Variants in BTBD1 observed in about 807,000 individuals in gnomAD.
The protein encoded by BTBD1 is BTB/POZ domain-containing protein 1.
In BTBD1, 34 loss-of-function variants were observed where a neutral mutation model predicts 48.0. That is an observed-to-expected ratio of 0.71 (90% CI 0.54 to 0.94). BTBD1 has a LOEUF of 0.94. BTBD1 is among the 40% of genes least tolerant of loss of function. The probability of loss-of-function intolerance (pLI) is 0.00; values close to 1 mark genes in which losing one functional copy is unlikely to be tolerated. For synonymous variants in BTBD1, 261 were observed against 242.1 expected (o/e 1.08, Z -0.72); for missense variants, 543 against 625.6 (o/e 0.87, Z 1.41).
intron 4 of BTBD1, among the ~76,000 whole-genome samples, chr15:83,040,261 A>G (rs2032724767): frequency 6.6e-6 from 1 of 152,196 alleles, no homozygotes; most frequent in South Asian, 2.1e-4. Flanking sequence ...AAGGGGGAAA[A>G]GAGTTAAAAA....
In BTBD1 at chr15:83,025,357, C is replaced by CAAAAAAAA. The variant is rs767479917; in HGVS notation, c.1056-4603_1056-4596dup. On this transcript the variant is annotated intron_variant, in intron 5 of 7. Coordinates refer to ENST00000261721, the MANE Select transcript of BTBD1 (RefSeq NM_025238.4). ...TGGGCAACAAAACAAGACTCCATCACAAAAAAAAAAAAAAAAAAAAAAAGA... is the reference window on the plus strand; with the variant it reads ...TGGGCAACAAAACAAGACTCCATCACAAAAAAAAAAAAAAAAAAAAAAAAAAAAAAAGA... 3.0e-3 allele frequency among the ~76,000 whole-genome samples: 194 copies of CAAAAAAAA among 64,138 alleles called. 2 individuals are homozygous for CAAAAAAAA. The highest frequency in any genetic ancestry group is 3.8e-3 in the Non-Finnish European group (131 of 34,210). The allele number at this position is 64,138 out of a possible 152,430, so 42.1% of individuals were successfully genotyped here. A position where few individuals can be genotyped will look rare whatever the true frequency, so the allele number is the denominator to read the frequency against.
At chr15:83,040,716 A>C (rs1306959346) in intron 4 of BTBD1, among the ~76,000 whole-genome samples, 2 of 151,604 alleles carry the variant, frequency 1.3e-5, no homozygotes, top group Non-Finnish European at 2.9e-5. Flanking sequence ...AAAAAAAAAA[A>C]AAAAACCATG....
intron 4 of BTBD1, 24 bp from the exon 5 acceptor site, chr15:83,030,352 T>TA (rs773905310): frequency 1.3e-6 from 2 of 1,569,604 alleles, no homozygotes; most frequent in Non-Finnish European, 1.7e-6. Context: ...AACATAAGCC[T>TA]AAAAAAAGGA....
At chr15:83,055,199 T>C (rs567274630) in intron 2 of BTBD1, among the ~76,000 whole-genome samples, 3 of 152,314 alleles carry the variant, frequency 2.0e-5, no homozygotes, top group African/African-American at 7.2e-5. Flanking sequence ...AAGGACTGGT[T>C]AAAGGTTCCA....
At chr15:83,031,572 G>C (rs990204339) in intron 4 of BTBD1, among the ~76,000 whole-genome samples, 1 of 152,146 alleles carries the variant, frequency 6.6e-6, no homozygotes, top group East Asian at 1.9e-4. Flanking sequence ...GGTGCGAACT[G>C]AACAGTGAGA....
chr15:83,043,248 T>C (rs1187185321), intron 3 of BTBD1, among the ~76,000 whole-genome samples: 1 of 152,156 alleles, frequency 6.6e-6, no homozygotes, highest in Non-Finnish European at 1.5e-5. Context: ...AGAGGAATAG[T>C]ATTCCAGGAC....
intron 6 of BTBD1, among the ~76,000 whole-genome samples, chr15:83,019,440 A>G (rs1331431511): frequency 6.6e-6 from 1 of 151,042 alleles, no homozygotes; most frequent in African/African-American, 2.4e-5. Context: ...ATCCTTCCAC[A>G]TCGGCCTCCC....
Position 83,067,080 on chromosome 15 carries a change from C to T in BTBD1, c.72G>A (p.Gly24=), listed in dbSNP as rs780017667. Residue 24 remains glycine, a synonymous_variant, in exon 1 of 8, where the codon GGG becomes GGA. Coordinates refer to ENST00000261721, the MANE Select transcript of BTBD1 (RefSeq NM_025238.4). ...SGAEAEPGPA[G]PPPPPSPSSL... is the part of the protein sequence containing the mutation. Reference sequence around the variant, plus strand: ...AGGACGGTGAGGGCGGCGGCGGCGGCCCCGCGGGGCCCGGCTCCGCCTCAG... The same window carrying T: ...AGGACGGTGAGGGCGGCGGCGGCGGTCCCGCGGGGCCCGGCTCCGCCTCAG... 11 of 1,535,636 alleles carry T rather than the reference C, an allele frequency of 7.2e-6. No homozygotes were observed. The highest frequency in any genetic ancestry group is 1.9e-4 in the Middle Eastern group (1 of 5,252).
At chr15:83,063,657 T>A (rs572441304) in intron 1 of BTBD1, among the ~76,000 whole-genome samples, 1 of 152,268 alleles carries the variant, frequency 6.6e-6, no homozygotes, top group South Asian at 2.1e-4. Flanking sequence ...CTCCAAAGGC[T>A]TTCCATCAAA....
Position 83,050,141 on chromosome 15 carries a change from C to G in BTBD1, c.596G>C (p.Cys199Ser). The change falls in exon 3 of 8, where the codon TGT becomes TCT. Residue 199 changes from cysteine (C) to serine (S), a missense_variant. By Grantham distance (112) the Cys-to-Ser change is moderately radical (BLOSUM62 -1). Coordinates refer to ENST00000261721, the MANE Select transcript of BTBD1 (RefSeq NM_025238.4). ...TGTGCTTTTGTCTATTGTATCTAGA[C>G]AAAGACTAGCAAGCTGAGGTTCATC... ...LFDEPQLASLCLDTIDKSTMD... is the reference protein window; with the variant it reads ...LFDEPQLASLSLDTIDKSTMD... 1 of 1,612,942 alleles carries G rather than the reference C, an allele frequency of 6.2e-7. No individual in the cohort carries two copies. The highest frequency in any genetic ancestry group is 1.3e-5 in the African/African-American group (1 of 74,990).
intron 4 of BTBD1, among the ~76,000 whole-genome samples, chr15:83,031,720 A>G (rs1314192949): frequency 1.3e-5 from 2 of 152,274 alleles, no homozygotes; most frequent in Middle Eastern, 3.4e-3. Flanking sequence ...TGGCACACGT[A>G]TACGTATGTA....
intron 3 of BTBD1, chr15:83,044,631 G>A (rs1334286010): frequency 3.9e-6 from 6 of 1,556,880 alleles, no homozygotes; most frequent in Non-Finnish European, 5.3e-6. Context: ...GTGCAGCTTT[G>A]CAGATGGTGC....
Position 83,016,539 on chromosome 15 carries a change from A to G in BTBD1, c.*1528T>C, listed in dbSNP as rs2032168517. ...TGGCTGCATGCAGTTTCAATTGTTCAGTACAACAGATGAGGCATTTAAAAG... is the reference window on the plus strand; with the variant it reads ...TGGCTGCATGCAGTTTCAATTGTTCGGTACAACAGATGAGGCATTTAAAAG... On this transcript the variant is annotated 3_prime_UTR_variant, in exon 8 of 8. Coordinates refer to ENST00000261721, the MANE Select transcript of BTBD1 (RefSeq NM_025238.4). 1 of 149,546 alleles carries G rather than the reference A, an allele frequency of 6.7e-6. No individual in the cohort carries two copies. Among genetic ancestry groups the G allele is most frequent in the Non-Finnish European group, 1.5e-5 (1 of 66,994 alleles). 9.3% of individuals were successfully genotyped at this position (149,546 alleles called of 1,614,324 possible). A position where few individuals can be genotyped will look rare whatever the true frequency, so the allele number is the denominator to read the frequency against.
At chr15:83,036,086 GA>G (rs2032621216) in intron 4 of BTBD1, among the ~76,000 whole-genome samples, 1 of 94,878 alleles carries the variant, frequency 1.1e-5, no homozygotes, top group African/African-American at 4.3e-5. Context: ...GAATAAGGGG[GA>G]AAACTGTATC....
chr15:83,066,681 G>A lies in BTBD1; in HGVS notation c.401+70C>T, dbSNP rs1473293174. 2.4e-6 allele frequency: 3 copies of A among 1,269,284 alleles called. No individual in the cohort carries two copies. In the African/African-American group the frequency reaches 4.8e-5, roughly 20 times the overall value. 78.6% of individuals were successfully genotyped at this position (1,269,284 alleles called of 1,614,324 possible). On this transcript the variant is annotated intron_variant, in intron 1 of 7. Transcript: ENST00000261721. The stretch of plus-strand genomic sequence containing the variant: ...TCATCCGGGAGTCCGGGTAGGCCGG[G>A]CCCCGGGGATCTCCCAGCCCGGCCC...
chr15:83,028,138 TAATC>T (rs773760031), intron 5 of BTBD1, among the ~76,000 whole-genome samples: 33 of 152,296 alleles, frequency 2.2e-4, no homozygotes, highest in Non-Finnish European at 2.8e-4. Context: ...CATTAGCAAA[TAATC>T]AATCAGAATT....
At chr15:83,029,933 TAAGAAG>T in intron 5 of BTBD1, 197 bp downstream of exon 5, 1 of 608,760 alleles carries the variant, frequency 1.6e-6, no homozygotes, top group Non-Finnish European at 2.9e-6. Flanking sequence ...ATTTTTTTCT[TAAGAAG>T]TCACCCTCAC....
At chr15:83,021,887 T>G (rs898399259) in intron 5 of BTBD1, among the ~76,000 whole-genome samples, 2 of 152,094 alleles carry the variant, frequency 1.3e-5, no homozygotes, top group African/African-American at 4.8e-5. Flanking sequence ...TAATACTAAC[T>G]CATCAATACC....
At chr15:83,057,296 G>T (rs1039426383) in intron 1 of BTBD1, among the ~76,000 whole-genome samples, 3 of 152,162 alleles carry the variant, frequency 2.0e-5, no homozygotes, top group African/African-American at 4.8e-5. Context: ...TTGGGTTTGA[G>T]CTTGTTTTGT....
Sources: allele counts gnomAD v4.1 joint callset (sites outside exome capture counted in the v4.1 genomes callset), GRCh38; gene constraint gnomAD v4.1.1; transcripts MANE v1.5; gene names NCBI Gene and HGNC (gene_info 2026-07-23, HGNC 2026-07-21).